Variants in SUCLG1 observed in about 807,000 individuals in gnomAD.
SUCLG1 encodes the protein succinate-CoA ligase GDP/ADP-forming subunit alpha.
Under a neutral mutation model 37.3 loss-of-function variants are expected in SUCLG1, and 26 were observed. That is an observed-to-expected ratio of 0.70 (90% CI 0.51 to 0.97). SUCLG1 has a LOEUF of 0.97. SUCLG1 is among the 50% of genes least tolerant of loss of function. The pLI is 0.00. For missense variants in SUCLG1, 433 were observed against 432.9 expected (o/e 1.00, Z 0.00); for synonymous variants, 163 against 155.6 (o/e 1.05, Z -0.36).
Position 84,459,235 on chromosome 2 carries a change from G to C in SUCLG1, c.35C>G (p.Ala12Gly), listed in dbSNP as rs1480482985. 9 of 1,550,694 alleles carry C rather than the reference G, an allele frequency of 5.8e-6. No homozygotes were observed. Among genetic ancestry groups the C allele is most frequent in the Non-Finnish European group, 7.8e-6 (9 of 1,146,876 alleles). ...GCCGCTGCTGCCGGAGACCATGGTA[G>C]CGATGTCAGCGGCAGCGGCAAGGGT... ...TATLAAAADIATMVSGSSGLA... is the reference protein window; with the variant it reads ...TATLAAAADIGTMVSGSSGLA... The change falls in exon 1 of 9, where the codon GCT (alanine) becomes GGT (glycine). Residue 12 changes from alanine to glycine, a missense_variant. Transcript: ENST00000393868.
At chr2:84,447,351 T>G (rs1672866154) in intron 2 of SUCLG1, among the ~76,000 whole-genome samples, 1 of 152,078 alleles carries the variant, frequency 6.6e-6, no homozygotes, top group Admixed American at 6.6e-5. Context: ...TAACTGCAGG[T>G]AACTGAAAAA....
chr2:84,449,548 G>GC, intron 2 of SUCLG1, 101 bp downstream of exon 2: 1 of 812,638 alleles, frequency 1.2e-6, no homozygotes, highest in Non-Finnish European at 1.9e-6. Flanking sequence ...ATATTTTTCT[G>GC]CAACAATCAT....
Position 84,425,599 on chromosome 2 carries a change from G to C in SUCLG1, c.830C>G (p.Pro277Arg). ...GAAGGACACTACAGGCTTGGAATTTGGACCCTAGAAAGAAAGTAATATTTT... is the reference window on the plus strand; with the variant it reads ...GAAGGACACTACAGGCTTGGAATTTCGACCCTAGAAAGAAAGTAATATTTT... ...AEFLKQHNSGPNSKPVVSFIA... is the reference protein window; with the variant it reads ...AEFLKQHNSGRNSKPVVSFIA... Residue 277 changes from proline to arginine, a missense_variant, in exon 8 of 9, where the codon CCA (proline) becomes CGA (arginine). Pro to Arg is a moderately radical substitution (Grantham distance 103). Transcript: ENST00000393868. 6.2e-7 allele frequency: 1 copy of C among 1,614,186 alleles called. No homozygotes were observed. The highest frequency in any genetic ancestry group is 8.5e-7 in the Non-Finnish European group (1 of 1,180,036).
At chr2:84,454,515 C>T (rs559961694) in intron 1 of SUCLG1, among the ~76,000 whole-genome samples, 1 of 152,296 alleles carries the variant, frequency 6.6e-6, no homozygotes, top group East Asian at 1.9e-4. Context: ...GAGATGTTGA[C>T]TGTGACAGGC....
At chr2:84,441,717 C>G (rs1321902624) in intron 3 of SUCLG1, among the ~76,000 whole-genome samples, 1 of 152,138 alleles carries the variant, frequency 6.6e-6, no homozygotes, top group Admixed American at 6.5e-5. Flanking sequence ...GTCAGTAAAT[C>G]TGAAAGCAGC....
At chr2:84,452,740 C>G (rs967321964) in intron 1 of SUCLG1, among the ~76,000 whole-genome samples, 5 of 152,152 alleles carry the variant, frequency 3.3e-5, no homozygotes, top group Non-Finnish European at 7.3e-5. Context: ...CTGTAAACTC[C>G]ATGAGTGTCA....
intron 7 of SUCLG1, among the ~76,000 whole-genome samples, chr2:84,427,110 G>A (rs555350801): frequency 6.6e-6 from 1 of 152,266 alleles, no homozygotes; most frequent in Admixed American, 6.5e-5. Context: ...CTTAATGAAA[G>A]ACAAATGGAT....
At chr2:84,437,134 A>G (rs1174580056) in intron 5 of SUCLG1, among the ~76,000 whole-genome samples, 1 of 152,074 alleles carries the variant, frequency 6.6e-6, no homozygotes, top group Non-Finnish European at 1.5e-5. Context: ...CCTCCCCTCT[A>G]TGGGACATTT....
In SUCLG1 at chr2:84,435,283, C is replaced by G. The variant is rs190760392; in HGVS notation, c.590-1848G>C. ...CTTTCTCTTTGAGGTCTTTCCTGATCACCCCCAAAGAGAAGTGAGATATAA... is the reference window on the plus strand; with the variant it reads ...CTTTCTCTTTGAGGTCTTTCCTGATGACCCCCAAAGAGAAGTGAGATATAA... On this transcript the variant is annotated intron_variant, in intron 5 of 8. Coordinates refer to ENST00000393868, the MANE Select transcript of SUCLG1 (RefSeq NM_003849.4). Among the ~76,000 whole-genome samples, 14 of 152,320 alleles carry G rather than the reference C, an allele frequency of 9.2e-5. No homozygotes were observed. The East Asian group carries it at 9.6e-4, about 10-fold the overall frequency.
chr2:84,425,663 A>C (rs1002731079), intron 7 of SUCLG1, 60 bp from the exon 8 acceptor site: 12 of 1,582,720 alleles, frequency 7.6e-6, no homozygotes, highest in African/African-American at 1.3e-5. Flanking sequence ...ACGGGACCTC[A>C]AATTCATGAC....
At chr2:84,431,112 T>G (rs905773044) in intron 7 of SUCLG1, among the ~76,000 whole-genome samples, 2 of 152,042 alleles carry the variant, frequency 1.3e-5, no homozygotes, top group African/African-American at 2.4e-5. Flanking sequence ...GCACAAGGGA[T>G]AGGATCTTTA....
At chr2:84,440,113 G>A (rs760563126) in intron 5 of SUCLG1, among the ~76,000 whole-genome samples, 6 of 152,156 alleles carry the variant, frequency 3.9e-5, no homozygotes, top group South Asian at 2.1e-4. Context: ...GGTAGCTCAC[G>A]CCTGTAATCC....
intron 2 of SUCLG1, among the ~76,000 whole-genome samples, chr2:84,449,148 C>G (rs1672896697): frequency 6.6e-6 from 1 of 152,160 alleles, no homozygotes; most frequent in African/African-American, 2.4e-5. Context: ...AGGCCATCAT[C>G]CCAGAGAAAG....
chr2:84,448,852 A>G (rs1672890940), intron 2 of SUCLG1: 1 of 241,586 alleles, frequency 4.1e-6, no homozygotes, highest in South Asian at 5.4e-5. Flanking sequence ...AATTCTATAT[A>G]ATAAATACTA....
At chr2:84,437,273 G>C (rs6712363) in intron 5 of SUCLG1, among the ~76,000 whole-genome samples, 147,047 of 152,350 alleles carry the variant, frequency 0.97, 71,013 homozygotes, top group East Asian at 1. Context: ...AAGTAAACTG[G>C]ATATCCAGCA....
At chr2:84,433,602 G>T in intron 5 of SUCLG1, 167 bp from the exon 6 acceptor site, 1 of 654,760 alleles carries the variant, frequency 1.5e-6, no homozygotes, top group Non-Finnish European at 2.7e-6. Flanking sequence ...GAAAAGGAAA[G>T]GCTTAAATTC....
chr2:84,423,808 A>T (rs1299694250), intron 8 of SUCLG1, 36 bp from the exon 9 acceptor site: 1 of 1,588,000 alleles, frequency 6.3e-7, no homozygotes, highest in Admixed American at 1.7e-5. Context: ...GAGAGATGGA[A>T]TGAATAAAGA....
At chr2:84,442,192 G>T (rs1437758557) in intron 3 of SUCLG1, among the ~76,000 whole-genome samples, 2 of 147,632 alleles carry the variant, frequency 1.4e-5, no homozygotes, top group East Asian at 2.0e-4. Context: ...GCAAAAAGAG[G>T]CTCATGACAA....
rs148650767 is a variant in SUCLG1 at position 84,429,278 on chromosome 2, C to T, written c.825+2230G>A. Among the ~76,000 whole-genome samples the T allele has an allele frequency of 2.7e-4, 41 of 152,232 alleles. No individual in the cohort carries two copies. The East Asian group carries it at 7.7e-3, about 29-fold the overall frequency. On this transcript the variant is annotated intron_variant, in intron 7 of 8. Transcript: ENST00000393868. ...TATGTTTCATTTTTCCCACTAAATA[C>T]TAGGCTATTCCAGGGATTCAGAATT... is the stretch of plus-strand genomic sequence containing the variant.
Sources: allele counts gnomAD v4.1 joint callset (sites outside exome capture counted in the v4.1 genomes callset), GRCh38; gene constraint gnomAD v4.1.1; transcripts MANE v1.5; gene names NCBI Gene and HGNC (gene_info 2026-07-23, HGNC 2026-07-21).